DOCK2: variants seen among roughly 807,000 people sequenced by gnomAD.
DOCK2 encodes dedicator of cytokinesis protein 2.
DOCK2 carries 87 observed loss-of-function variants against 248.9 expected under a neutral mutation model. The ratio of observed to expected loss-of-function variants is 0.35; its 90% CI spans 0.29 to 0.42. The LOEUF is 0.42. Ranked by LOEUF, DOCK2 falls within the 10% of genes least tolerant of loss-of-function variation. The probability of loss-of-function intolerance (pLI) is 1.00; values close to 1 mark genes in which losing one functional copy is unlikely to be tolerated. For missense variants in DOCK2, 1,747 were observed against 2,300.2 expected (o/e 0.76, Z 4.92); for synonymous variants, 805 against 821.6 (o/e 0.98, Z 0.35).
chr5:169,667,261 C>T (rs1758789900), intron 2 of DOCK2, among the ~76,000 whole-genome samples: 1 of 152,216 alleles, frequency 6.6e-6, no homozygotes. Flanking sequence ...ACTCTAACCC[C>T]ATCACATGGG....
intron 15 of DOCK2, among the ~76,000 whole-genome samples, chr5:169,708,995 C>T (rs540161603): frequency 6.6e-6 from 1 of 152,350 alleles, no homozygotes; most frequent in South Asian, 2.1e-4. Context: ...TTCACCTGCT[C>T]TGTGCCCTGG....
At chr5:169,790,391 G>T (rs1248730049) in intron 25 of DOCK2, among the ~76,000 whole-genome samples, 1 of 152,136 alleles carries the variant, frequency 6.6e-6, no homozygotes, top group Non-Finnish European at 1.5e-5. Context: ...AAATTAAAAA[G>T]GACATTCAGA....
Position 169,902,957 on chromosome 5 carries a change from G to A in DOCK2, c.2799+62105G>A, listed in dbSNP as rs1225190550. Among the ~76,000 whole-genome samples, 3 of 152,198 alleles carry A rather than the reference G, an allele frequency of 2.0e-5. No individual in the cohort carries two copies. In the East Asian group the frequency reaches 5.8e-4, roughly 29 times the overall value. On this transcript the variant is annotated intron_variant, in intron 27 of 51. Coordinates refer to ENST00000520908, the MANE Select transcript of DOCK2 (RefSeq NM_004946.3). ...TACTAAAAATACAAAAATTAGCTGG[G>A]TGTGGTGGCACATGCCTGTAGTCCC...
rs771332418 is a variant in DOCK2 at position 169,716,248 on chromosome 5, C to A, written c.1977C>A (p.Ile659=). 1.2e-6 allele frequency: 2 copies of A among 1,613,778 alleles called. No homozygotes were observed. Among genetic ancestry groups the A allele is most frequent in the Non-Finnish European group, 1.7e-6 (2 of 1,179,748 alleles). ...ATACTCTGGATGCCCTCTTCAACAT[C>A]ATGATGGAGCATTCTCAAAGTGATG... The part of the protein sequence containing the change: ...LQDTLDALFN[I]MMEHSQSDEY... The change falls in exon 20 of 52, where the codon ATC becomes ATA. Residue 659 remains isoleucine (I), a synonymous_variant. Transcript: ENST00000520908.
At chr5:169,930,183 G>T (rs1366521854) in intron 27 of DOCK2, among the ~76,000 whole-genome samples, 1 of 152,048 alleles carries the variant, frequency 6.6e-6, no homozygotes, top group African/African-American at 2.4e-5. Flanking sequence ...TAGAGATGGG[G>T]GTTTCACCAT....
intron 22 of DOCK2, among the ~76,000 whole-genome samples, chr5:169,719,280 A>G (rs1018951156): frequency 6.6e-6 from 1 of 152,184 alleles, no homozygotes; most frequent in Non-Finnish European, 1.5e-5. Context: ...GAAGATTTTG[A>G]TGGTCAGTAT....
chr5:169,820,180 C>T (rs1405578973), intron 26 of DOCK2, among the ~76,000 whole-genome samples: 1 of 152,268 alleles, frequency 6.6e-6, no homozygotes, highest in East Asian at 1.9e-4. Context: ...CCTCTGTAGA[C>T]TGCACCTCTG....
intron 25 of DOCK2, among the ~76,000 whole-genome samples, chr5:169,774,433 G>A (rs1005818663): frequency 5.9e-5 from 9 of 152,246 alleles, no homozygotes; most frequent in Admixed American, 5.9e-4. Flanking sequence ...TTAAAAACTT[G>A]CCAGTTAAGG....
In DOCK2 at chr5:169,685,913, G is replaced by C. The variant is rs553435473; in HGVS notation, c.761+1563G>C. On this transcript the variant is annotated intron_variant, in intron 8 of 51. Transcript: ENST00000520908. ...ACTCCAAAGACAAGCTATTTCCCAC[G>C]TAAGTCTGTCACCAAGGAATGAGTT... is the stretch of plus-strand genomic sequence containing the variant. Among the ~76,000 whole-genome samples, 23 of 152,180 alleles carry C rather than the reference G, an allele frequency of 1.5e-4. 1 individual carries two copies. The highest frequency in any genetic ancestry group is 5.3e-4 in the African/African-American group (22 of 41,434).
At chr5:170,028,987 T>C (rs2113832457) in intron 34 of DOCK2, among the ~76,000 whole-genome samples, 1 of 152,336 alleles carries the variant, frequency 6.6e-6, no homozygotes, top group East Asian at 1.9e-4. Flanking sequence ...AGTTAATGTA[T>C]ATTTAGGCTG....
At chr5:170,040,576 T>C (rs2113843169) in intron 36 of DOCK2, 1 of 174,920 alleles carries the variant, frequency 5.7e-6, no homozygotes, top group East Asian at 1.7e-4. Context: ...GGCTTGTTCA[T>C]ACTCCTTCAA....
At chr5:169,730,885 T>G (rs1762732619) in intron 22 of DOCK2, among the ~76,000 whole-genome samples, 1 of 132,124 alleles carries the variant, frequency 7.6e-6, no homozygotes, top group Non-Finnish European at 1.5e-5. Context: ...ACTCTCTCTC[T>G]CTCTCTTTTT....
At position 169,882,534 on chromosome 5, in the gene DOCK2, G is replaced by GA. The variant is rs762985568; in HGVS notation, c.2799+41691dup. On this transcript the variant is annotated intron_variant, in intron 27 of 51. Coordinates refer to ENST00000520908, the MANE Select transcript of DOCK2 (RefSeq NM_004946.3). The stretch of plus-strand genomic sequence containing the variant: ...GACTTCACCCAGTCATTTTTAATAT[G>GA]AAAAAAAAATCTCCTTACCCTTCAG... 380 of 1,506,814 alleles carry GA rather than the reference G, an allele frequency of 2.5e-4. 1 individual carries two copies. Among genetic ancestry groups the GA allele is most frequent in the Middle Eastern group, 1.0e-3 (6 of 5,784 alleles). The allele number at this position is 1,506,814 out of a possible 1,614,324, so 93.3% of individuals were successfully genotyped here. A position where few individuals can be genotyped will look rare whatever the true frequency, so the allele number is the denominator to read the frequency against.
At chr5:169,874,359 G>A (rs1433438386) in intron 27 of DOCK2, among the ~76,000 whole-genome samples, 1 of 141,776 alleles carries the variant, frequency 7.1e-6, no homozygotes, top group Non-Finnish European at 1.5e-5. Context: ...GTTGCAGTGA[G>A]CCGAGATTGT....
At chr5:169,815,208 C>A (rs1767990754) in intron 26 of DOCK2, among the ~76,000 whole-genome samples, 1 of 152,098 alleles carries the variant, frequency 6.6e-6, no homozygotes, top group Non-Finnish European at 1.5e-5. Context: ...GTTGGTTTGG[C>A]ATTGCTTAGG....
intron 26 of DOCK2, among the ~76,000 whole-genome samples, chr5:169,807,942 T>G (rs923053603): frequency 3.9e-5 from 6 of 152,026 alleles, no homozygotes; most frequent in Non-Finnish European, 7.4e-5. Flanking sequence ...TGAATTCATC[T>G]TCATGGGATA....
Position 169,708,042 on chromosome 5 carries a change from T to A in DOCK2, c.1384-127T>A, listed in dbSNP as rs528225758. The A allele has an allele frequency of 3.6e-6, 3 of 837,426 alleles. No individual in the cohort carries two copies. The African/African-American group carries it at 5.1e-5, about 14-fold the overall frequency. 51.9% of individuals were successfully genotyped at this position (837,426 alleles called of 1,614,324 possible). A position where few individuals can be genotyped will look rare whatever the true frequency, so the allele number is the denominator to read the frequency against. ...AAGGAGCCATTATGGGCACCTGGCA[T>A]GAGGGCTAGGGAAGGCAGGGTTGGC... is the stretch of plus-strand genomic sequence containing the variant. On this transcript the variant is annotated intron_variant, in intron 14 of 51. Coordinates refer to ENST00000520908, the MANE Select transcript of DOCK2 (RefSeq NM_004946.3).
chr5:169,904,147 G>A (rs1340687558), intron 27 of DOCK2, among the ~76,000 whole-genome samples: 2 of 151,776 alleles, frequency 1.3e-5, no homozygotes, highest in African/African-American at 4.8e-5. Context: ...ATTTTCTGGG[G>A]CTGCCTAGAT....
intron 22 of DOCK2, among the ~76,000 whole-genome samples, chr5:169,743,397 C>T (rs911800107): frequency 5.3e-5 from 8 of 152,178 alleles, no homozygotes; most frequent in African/African-American, 1.9e-4. Flanking sequence ...CATATTGAGA[C>T]CCTGTATCTT....
Sources: gnomAD v4.1 joint callset for allele counts (sites outside exome capture counted in the v4.1 genomes callset) on GRCh38, gnomAD v4.1.1 for gene constraint, MANE v1.5 for transcripts, NCBI Gene and HGNC (gene_info 2026-07-23, HGNC 2026-07-21) for gene names.